The following ACSS3 variants were observed in gnomAD, a reference collection of about 807,000 sequenced individuals.
ACSS3 encodes acyl-CoA synthetase short-chain family member 3, mitochondrial.
In ACSS3, 64 loss-of-function variants were observed where a neutral mutation model predicts 84.2. That is an observed-to-expected ratio of 0.76 (90% CI 0.62 to 0.94). The LOEUF (loss-of-function observed/expected upper bound fraction) is 0.94. Among genes scored for constraint, ACSS3 ranks in the 40% least tolerant of loss-of-function variants. ACSS3 has a pLI of 0.00. For missense variants in ACSS3, 815 were observed against 867.6 expected, an observed-to-expected ratio of 0.94 and a Z score of 0.76; for synonymous variants, 317 against 310.1, an observed-to-expected ratio of 1.02 and a Z score of -0.23.
intron 1 of ACSS3, among the ~76,000 whole-genome samples, chr12:81,108,008 A>G (rs934416790): frequency 6.6e-6 from 1 of 152,024 alleles, no homozygotes; most frequent in Non-Finnish European, 1.5e-5. Context: ...AAATCAAGAG[A>G]GAGAGTCTCC....
chr12:81,195,908 C>T (rs1318983104), intron 8 of ACSS3, among the ~76,000 whole-genome samples: 1 of 151,886 alleles, frequency 6.6e-6, no homozygotes, highest in Non-Finnish European at 1.5e-5. Flanking sequence ...AGAAATATAC[C>T]AGTGGGCAGC....
intron 2 of ACSS3, among the ~76,000 whole-genome samples, chr12:81,117,340 A>G (rs548565190): frequency 6.6e-6 from 1 of 152,350 alleles, no homozygotes; most frequent in South Asian, 2.1e-4. Flanking sequence ...AAAAGATAAT[A>G]CAATATAAAT....
intron 1 of ACSS3, among the ~76,000 whole-genome samples, chr12:81,096,124 A>G (rs1386028193): frequency 1.3e-5 from 2 of 152,218 alleles, no homozygotes; most frequent in Non-Finnish European, 2.9e-5. Flanking sequence ...TCTTAAAAAT[A>G]CTTAAAGCCT....
In ACSS3 at chr12:81,174,846, G is replaced by T. The variant is rs761700970; in HGVS notation, c.1157G>T (p.Gly386Val). 1.9e-6 allele frequency: 3 copies of T among 1,613,958 alleles called. No individual in the cohort carries two copies. The South Asian group carries it at 3.3e-5, about 18-fold the overall frequency. ...TATTTCCGTGTGCTTGCAGAGCATG[G>T]AGTAGCTGCCTTGTTTACAGCACCA... ...GAYFRVLAEH[G>V]VAALFTAPTA... Residue 386 changes from glycine (G) to valine (V), a missense_variant, in exon 8 of 16, where the codon GGA becomes GTA. By Grantham distance (109) the Gly-to-Val change is moderately radical (BLOSUM62 -3). Coordinates refer to ENST00000548058, the MANE Select transcript of ACSS3 (RefSeq NM_024560.4).
At position 81,214,802 on chromosome 12, in the gene ACSS3, A is replaced by G. The variant is rs149872626; in HGVS notation, c.1355-2099A>G. The stretch of plus-strand genomic sequence containing the variant: ...ACTGTAAGAACTGTAGAGAGTTTGA[A>G]CTCTAGGTAACTGGTGTGTCCCTAT... On this transcript the variant is annotated intron_variant, in intron 9 of 15. Coordinates refer to ENST00000548058, the MANE Select transcript of ACSS3 (RefSeq NM_024560.4). Among the ~76,000 whole-genome samples, 321 of 152,290 alleles carry G rather than the reference A, an allele frequency of 2.1e-3. 1 individual carries two copies. The highest frequency in any genetic ancestry group is 7.2e-3 in the African/African-American group (299 of 41,546).
chr12:81,132,601 T>G (rs1333561596), intron 2 of ACSS3, among the ~76,000 whole-genome samples: 3 of 152,194 alleles, frequency 2.0e-5, no homozygotes, highest in Non-Finnish European at 4.4e-5. Flanking sequence ...ATTGATTTTT[T>G]GAAGGAAATT....
At chr12:81,171,716 G>GT (rs527714209) in intron 7 of ACSS3, among the ~76,000 whole-genome samples, 15 of 152,200 alleles carry the variant, frequency 9.9e-5, no homozygotes, top group African/African-American at 1.7e-4. Flanking sequence ...GTATGATGTA[G>GT]TTTTTTTACT....
chr12:81,209,522 C>T (rs960264238), intron 9 of ACSS3, among the ~76,000 whole-genome samples: 2 of 151,972 alleles, frequency 1.3e-5, no homozygotes, highest in East Asian at 1.9e-4. Context: ...TTGACTAAAA[C>T]AACCCGGACA....
chr12:81,103,497 T>C (rs1014522669), intron 1 of ACSS3, among the ~76,000 whole-genome samples: 2 of 152,152 alleles, frequency 1.3e-5, no homozygotes, highest in Admixed American at 6.5e-5. Flanking sequence ...GGCAGCTTCT[T>C]GCAGGTCACT....
chr12:81,097,094 AT>A (rs1324432995), intron 1 of ACSS3, among the ~76,000 whole-genome samples: 1 of 152,136 alleles, frequency 6.6e-6, no homozygotes, highest in Non-Finnish European at 1.5e-5. Context: ...ATTTTAGTTA[AT>A]TTAAATTTAA....
rs1593249620 is a variant in ACSS3 at position 81,256,001 on chromosome 12, T to C, written c.*1079T>C. ...TGGGGTAGGGTGGCAAGGAAAACTC[T>C]TAAGAGAGAAACATCAAGGTTTTCA... On this transcript the variant is annotated 3_prime_UTR_variant, in exon 16 of 16. Transcript: ENST00000548058. 2 of 152,142 alleles carry C rather than the reference T, an allele frequency of 1.3e-5. No individual in the cohort carries two copies. The highest frequency in any genetic ancestry group is 2.9e-5 in the Non-Finnish European group (2 of 68,038). 9.4% of individuals were successfully genotyped at this position (152,142 alleles called of 1,614,324 possible).
intron 11 of ACSS3, among the ~76,000 whole-genome samples, chr12:81,222,133 C>T (rs2033132568): frequency 6.6e-6 from 1 of 152,032 alleles, no homozygotes; most frequent in African/African-American, 2.4e-5. Flanking sequence ...GTCACCAATT[C>T]ACAATTATTT....
intron 11 of ACSS3, among the ~76,000 whole-genome samples, chr12:81,227,303 C>T (rs2033303412): frequency 1.3e-5 from 2 of 151,516 alleles, no homozygotes; most frequent in African/African-American, 4.8e-5. Flanking sequence ...CACAGAAACA[C>T]CTAGAATGCT....
chr12:81,131,891 G>T (rs926451393), intron 2 of ACSS3, among the ~76,000 whole-genome samples: 3 of 152,174 alleles, frequency 2.0e-5, no homozygotes, highest in African/African-American at 7.2e-5. Flanking sequence ...TAATCATGTG[G>T]TTTTTGTCTT....
intron 13 of ACSS3, among the ~76,000 whole-genome samples, chr12:81,234,511 A>G (rs1200011692): frequency 6.6e-6 from 1 of 151,450 alleles, no homozygotes; most frequent in Non-Finnish European, 1.5e-5. Context: ...TTACATAGCC[A>G]CCAGCAGTAT....
intron 7 of ACSS3, among the ~76,000 whole-genome samples, chr12:81,171,248 C>G (rs988529215): frequency 3.9e-5 from 6 of 152,014 alleles, no homozygotes; most frequent in African/African-American, 1.4e-4. Context: ...ACAACAGTTT[C>G]TGATGAAAGA....
At chr12:81,188,832 T>A (rs1324657882) in intron 8 of ACSS3, among the ~76,000 whole-genome samples, 1 of 152,170 alleles carries the variant, frequency 6.6e-6, no homozygotes, top group East Asian at 1.9e-4. Flanking sequence ...CCGTACAACA[T>A]GATGTTCAAT....
intron 13 of ACSS3, among the ~76,000 whole-genome samples, chr12:81,240,263 G>A (rs113841840): frequency 9.2e-4 from 140 of 151,962 alleles, no homozygotes; most frequent in African/African-American, 3.2e-3. Context: ...GGATCATCAT[G>A]CCTTCTCGGG....
At chr12:81,096,798 A>G (rs1882093029) in intron 1 of ACSS3, among the ~76,000 whole-genome samples, 2 of 152,066 alleles carry the variant, frequency 1.3e-5, no homozygotes, top group Admixed American at 1.3e-4. Flanking sequence ...AAGGACATGA[A>G]CTCATCCTTT....
Sources: gnomAD v4.1 joint callset for allele counts (sites outside exome capture counted in the v4.1 genomes callset) on GRCh38, gnomAD v4.1.1 for gene constraint, MANE v1.5 for transcripts, NCBI Gene and HGNC (gene_info 2026-07-23, HGNC 2026-07-21) for gene names.